The following SP140 variants were observed in gnomAD, a reference collection of about 807,000 sequenced individuals.
The protein encoded by SP140 is SP140 nuclear body protein.
A neutral mutation model predicts 125.0 loss-of-function variants in SP140; 81 were observed. The ratio of observed to expected loss-of-function variants is 0.65; its 90% CI spans 0.54 to 0.78. The LOEUF (loss-of-function observed/expected upper bound fraction) is 0.78. Among genes scored for constraint, SP140 ranks in the 30% least tolerant of loss-of-function variants. SP140 has a pLI of 0.00. For missense variants in SP140, 858 were observed against 1,037.0 expected, an observed-to-expected ratio of 0.83 and a Z score of 2.37; for synonymous variants, 312 against 354.0, an observed-to-expected ratio of 0.88 and a Z score of 1.33.
intron 1 of SP140, among the ~76,000 whole-genome samples, chr2:230,236,286 T>C (rs775274775): frequency 1.2e-4 from 19 of 152,230 alleles, no homozygotes; most frequent in Non-Finnish European, 2.5e-4. Context: ...ACATCTCCTT[T>C]ACATCTCCTG....
chr2:230,241,278 C>G lies in SP140; in HGVS notation c.407-126C>G, dbSNP rs749370120. The G allele has an allele frequency of 1.3e-5, 9 of 676,798 alleles. No individual in the cohort carries two copies. In the African/African-American group the frequency reaches 1.6e-4, roughly 12 times the overall value. The allele number at this position is 676,798 out of a possible 1,614,324, so 41.9% of individuals were successfully genotyped here. The stretch of plus-strand genomic sequence containing the variant: ...TGCCTCTCAATGAAAAAAAGGGGAA[C>G]AAGGCTCTGTTGGACCTCGGGGGTG... On this transcript the variant is annotated intron_variant, in intron 3 of 26. Transcript: ENST00000392045.
At chr2:230,239,154 T>G in intron 3 of SP140, 1 of 790,142 alleles carries the variant, frequency 1.3e-6, no homozygotes, top group Non-Finnish European at 1.7e-6. Context: ...AGAGGTATCT[T>G]GTTTTCATAT....
At chr2:230,265,441 C>T (rs1451053608) in intron 12 of SP140, among the ~76,000 whole-genome samples, 34 of 152,288 alleles carry the variant, frequency 2.2e-4, no homozygotes, top group Non-Finnish European at 2.9e-5. Flanking sequence ...ACCGGATTTG[C>T]GCCCTCACAA....
intron 14 of SP140, 64 bp downstream of exon 14, chr2:230,270,017 G>A (rs1365148882): frequency 2.0e-6 from 2 of 995,222 alleles, no homozygotes; most frequent in Non-Finnish European, 3.2e-6. Context: ...CCCCAGTAGG[G>A]TGGAGGTAGG....
Position 230,213,112 on chromosome 2 carries a change from A to G in SP140, c.-322-542A>G. 5 of 1,319,124 alleles carry G rather than the reference A, an allele frequency of 3.8e-6. No homozygotes were observed. In the Admixed American group the frequency reaches 5.1e-5, roughly 13 times the overall value. 81.7% of individuals were successfully genotyped at this position (1,319,124 alleles called of 1,614,324 possible). On this transcript the variant is annotated intron_variant, in intron 1 of 4. Coordinates refer to the SP140 transcript ENST00000456542. ...GGGATTTCTTAATACATGCCTTCCA[A>G]TAGGATGGGGGCATGGAGCTATTCA...
chr2:230,228,621 C>A (rs147122423), intron 1 of SP140, among the ~76,000 whole-genome samples: 1 of 152,162 alleles, frequency 6.6e-6, no homozygotes, highest in Admixed American at 6.5e-5. Context: ...GAGAATTGAC[C>A]CTTTTATCAT....
chr2:230,202,861 T>A, upstream of SP140: 1 of 839,532 alleles, frequency 1.2e-6, no homozygotes, highest in Non-Finnish European at 2.1e-6. Flanking sequence ...TGTACCTCAC[T>A]TTTCTCCTCC....
downstream of SP140, among the ~76,000 whole-genome samples, chr2:230,316,455 CAG>C (rs1380190283): frequency 6.6e-6 from 1 of 152,068 alleles, no homozygotes; most frequent in African/African-American, 2.4e-5. Flanking sequence ...GTTTGGGAGA[CAG>C]GGAGTAGGGA....
intron 12 of SP140, among the ~76,000 whole-genome samples, chr2:230,262,668 T>C (rs2052469030): frequency 6.6e-6 from 1 of 152,146 alleles, no homozygotes; most frequent in African/African-American, 2.4e-5. Context: ...ATTACTGTCA[T>C]TCAGCTTGAA....
chr2:230,315,237 G>A (rs1289983732), downstream of SP140, among the ~76,000 whole-genome samples: 1 of 152,216 alleles, frequency 6.6e-6, no homozygotes, highest in Non-Finnish European at 1.5e-5. Flanking sequence ...TGATGGAAAT[G>A]AGGGCAGTTT....
Position 230,290,583 on chromosome 2 carries a change from T to G in SP140, c.1825+19T>G. On this transcript the variant is annotated intron_variant, in intron 19 of 26. Transcript: ENST00000392045. ...CAGCAAGGTAGGTTTTATGGTCTTC[T>G]TTAATTTGCAGCTCCTATCTGAAGG... 1 of 1,576,954 alleles carries G rather than the reference T, an allele frequency of 6.3e-7. No individual in the cohort carries two copies. The highest frequency in any genetic ancestry group is 2.2e-5 in the East Asian group (1 of 44,608).
intron 12 of SP140, among the ~76,000 whole-genome samples, chr2:230,259,946 G>A (rs1207655743): frequency 6.6e-6 from 1 of 151,940 alleles, no homozygotes; most frequent in Non-Finnish European, 1.5e-5. Flanking sequence ...CTTTTCCTCT[G>A]GATAGATACC....
At chr2:230,247,387 C>T in intron 7 of SP140, among the ~76,000 whole-genome samples, 1 of 152,098 alleles carries the variant, frequency 6.6e-6, no homozygotes, top group Non-Finnish European at 1.5e-5. Context: ...CCACTCATGA[C>T]TCACCCCACC....
intron 1 of SP140, chr2:230,207,958 A>G: frequency 2.7e-6 from 3 of 1,112,708 alleles, no homozygotes; most frequent in Non-Finnish European, 4.1e-6. Flanking sequence ...AGCTGTTTCC[A>G]GCCTCCAGCT....
rs745848625 is a variant in SP140 at position 230,259,771 on chromosome 2, CATATAT to C, written c.1240+4259_1240+4264del. Among the ~76,000 whole-genome samples the C allele has an allele frequency of 1.6e-3, 138 of 85,902 alleles. 7 individuals are homozygous for C. The highest frequency in any genetic ancestry group is 2.1e-3 in the Non-Finnish European group (81 of 38,192). The allele number at this position is 85,902 out of a possible 152,430, so 56.4% of individuals were successfully genotyped here. On this transcript the variant is annotated intron_variant, in intron 12 of 26. Transcript: ENST00000392045. ...TTTTTATGGCTGCGTAGTATTCCAT[CATATAT>C]ATATATATATATATATATACCACAT...
chr2:230,240,220 GA>G (rs1440510110), intron 3 of SP140, among the ~76,000 whole-genome samples: 8 of 142,828 alleles, frequency 5.6e-5, no homozygotes, highest in Non-Finnish European at 1.2e-4. Flanking sequence ...TGCTAAAAGA[GA>G]AAACATAAGA....
At chr2:230,287,829 G>A (rs2056585843) in intron 17 of SP140, 63 bp from the exon 18 acceptor site, 1 of 1,392,674 alleles carries the variant, frequency 7.2e-7, no homozygotes, top group African/African-American at 1.5e-5. Flanking sequence ...TTTTTGAAAA[G>A]CTGTAATATG....
intron 22 of SP140, among the ~76,000 whole-genome samples, chr2:230,301,564 C>A (rs2058286568): frequency 6.6e-6 from 1 of 152,144 alleles, no homozygotes; most frequent in African/African-American, 2.4e-5. Context: ...AAGATAAAGT[C>A]TTTTTCAGAC....
intron 17 of SP140, among the ~76,000 whole-genome samples, chr2:230,286,586 C>A (rs2056411230): frequency 6.6e-6 from 1 of 152,172 alleles, no homozygotes; most frequent in African/African-American, 2.4e-5. Context: ...ATCAAGTCCA[C>A]TGCAAGGGAA....
Sources: allele counts gnomAD v4.1 joint callset (sites outside exome capture counted in the v4.1 genomes callset), GRCh38; gene constraint gnomAD v4.1.1; transcripts MANE v1.5; gene names NCBI Gene and HGNC (gene_info 2026-07-23, HGNC 2026-07-21).